The following PRICKLE2 variants were observed in gnomAD, a reference collection of about 807,000 sequenced individuals.
PRICKLE2 encodes prickle-like protein 2.
A neutral mutation model predicts 81.4 loss-of-function variants in PRICKLE2; 21 were observed. The ratio of observed to expected loss-of-function variants is 0.26; its 90% CI spans 0.18 to 0.37. The LOEUF (loss-of-function observed/expected upper bound fraction) is 0.37. Ranked by LOEUF, PRICKLE2 falls within the 10% of genes least tolerant of loss-of-function variation. The probability of loss-of-function intolerance (pLI) is 1.00; values close to 1 mark genes in which losing one functional copy is unlikely to be tolerated. For missense variants in PRICKLE2, 940 were observed against 1,109.0 expected (o/e 0.85, Z 2.16); for synonymous variants, 456 against 421.5 (o/e 1.08, Z -1.00).
chr3:64,152,394 G>A (rs1575595102), intron 6 of PRICKLE2, among the ~76,000 whole-genome samples: 1 of 152,196 alleles, frequency 6.6e-6, no homozygotes, highest in African/African-American at 2.4e-5. Context: ...CCACAATGCA[G>A]TATGATCTGG....
At chr3:64,170,721 A>T (rs796880849) in intron 2 of PRICKLE2, among the ~76,000 whole-genome samples, 2 of 151,312 alleles carry the variant, frequency 1.3e-5, no homozygotes, top group Non-Finnish European at 2.9e-5. Flanking sequence ...AAAAAAAAAA[A>T]AAAACAGCCT....
chr3:64,185,563 C>T (rs1399909499), intron 2 of PRICKLE2, among the ~76,000 whole-genome samples: 2 of 152,152 alleles, frequency 1.3e-5, no homozygotes, highest in Non-Finnish European at 2.9e-5. Context: ...TTTCTTGTGC[C>T]ATCCATCTGG....
intron 2 of PRICKLE2, among the ~76,000 whole-genome samples, chr3:64,236,175 T>G (rs569581344): frequency 6.6e-6 from 1 of 152,328 alleles, no homozygotes; most frequent in East Asian, 1.9e-4. Context: ...ACTGCCATAC[T>G]GGAAGTTGAT....
chr3:64,258,014 C>G (rs904924837), intron 2 of PRICKLE2, among the ~76,000 whole-genome samples: 1 of 152,126 alleles, frequency 6.6e-6, no homozygotes, highest in South Asian at 2.1e-4. Flanking sequence ...CATCAAACAC[C>G]GAACCTGCAG....
chr3:64,236,154 A>G (rs563956402), intron 2 of PRICKLE2, among the ~76,000 whole-genome samples: 90 of 152,288 alleles, frequency 5.9e-4, no homozygotes, highest in African/African-American at 2.1e-3. Context: ...AGAGTCTACC[A>G]TGCTCCTCAC....
intron 3 of PRICKLE2, among the ~76,000 whole-genome samples, chr3:64,160,776 G>C (rs2077719874): frequency 6.6e-6 from 1 of 152,158 alleles, no homozygotes; most frequent in Admixed American, 6.5e-5. Flanking sequence ...AAGATAATTT[G>C]AATCCAGTAT....
rs1202491879 is a variant in PRICKLE2, at chr3:64,239,309, G to A, written c.129-40342C>T. Among the ~76,000 whole-genome samples, 3 of 152,168 alleles carry A rather than the reference G, an allele frequency of 2.0e-5. No individual in the cohort carries two copies. In the South Asian group the frequency reaches 6.2e-4, roughly 32 times the overall value. ...CAGCTGGGGCAGCTGTGGAAGGAAGGGCTGTTAGGAGCGTGGCCAAAACAG... is the reference window on the plus strand; with the variant it reads ...CAGCTGGGGCAGCTGTGGAAGGAAGAGCTGTTAGGAGCGTGGCCAAAACAG... On this transcript the variant is annotated intron_variant, in intron 2 of 8. Coordinates refer to the PRICKLE2 transcript ENST00000295902.
At chr3:64,158,127 A>T (rs2077668549) in intron 4 of PRICKLE2, among the ~76,000 whole-genome samples, 1 of 152,248 alleles carries the variant, frequency 6.6e-6, no homozygotes, top group Non-Finnish European at 1.5e-5. Flanking sequence ...TAAAATGTGG[A>T]AAGTAGGTCT....
In PRICKLE2 at chr3:64,099,501, G is replaced by A. The variant is rs1174848549; in HGVS notation, c.2085C>T (p.Ser695=). ...HRSRRSRRSR[S]DNALHLASER... is the part of the protein sequence containing the mutation. ...CGCTGGCCAGGTGGAGGGCGTTGTCGGAGCGAGAGCGTCGGGAACGCCTGG... is the reference window on the plus strand; with the variant it reads ...CGCTGGCCAGGTGGAGGGCGTTGTCAGAGCGAGAGCGTCGGGAACGCCTGG... The change falls in exon 8 of 8, where the codon TCC becomes TCT. Residue 695 remains serine, a synonymous_variant. Transcript: ENST00000638394. This position sits in a 1 kb window ranked among gnomAD's most constrained non-coding sequence, Gnocchi z 4.3. 3.1e-6 allele frequency: 5 copies of A among 1,595,960 alleles called. No individual in the cohort carries two copies. The highest frequency in any genetic ancestry group is 2.2e-5 in the South Asian group (2 of 89,902).
chr3:64,222,371 T>C (rs1003937699), intron 1 of PRICKLE2, among the ~76,000 whole-genome samples: 2 of 152,238 alleles, frequency 1.3e-5, no homozygotes, highest in African/African-American at 4.8e-5. Flanking sequence ...AAGAATTTTA[T>C]GGCAGACTCC....
At chr3:64,192,615 A>T (rs1332559880) in intron 2 of PRICKLE2, among the ~76,000 whole-genome samples, 1 of 152,200 alleles carries the variant, frequency 6.6e-6, no homozygotes, top group Non-Finnish European at 1.5e-5. Flanking sequence ...ACAAGGCTCA[A>T]ATCCAACTAA....
At chr3:64,127,523 T>A (rs2077127514) in intron 7 of PRICKLE2, among the ~76,000 whole-genome samples, 1 of 152,104 alleles carries the variant, frequency 6.6e-6, no homozygotes, top group South Asian at 2.1e-4. Context: ...ATCATTCTCA[T>A]TTTTTCAAAA....
chr3:64,165,122 CAG>C (rs2077807927), intron 2 of PRICKLE2, among the ~76,000 whole-genome samples: 2 of 152,172 alleles, frequency 1.3e-5, no homozygotes, highest in East Asian at 3.9e-4. Context: ...CTTGAAAATG[CAG>C]AGTCTAGTTG....
chr3:64,187,630 G>A (rs1286083283), intron 2 of PRICKLE2: 2 of 152,158 alleles, frequency 1.3e-5, no homozygotes, highest in Admixed American at 6.5e-5. Context: ...GGTTTTTATG[G>A]GGGTTTTAGA....
intron 2 of PRICKLE2, among the ~76,000 whole-genome samples, chr3:64,243,700 G>C (rs1327339236): frequency 1.3e-5 from 2 of 152,284 alleles, no homozygotes; most frequent in Non-Finnish European, 2.9e-5. Context: ...CTGACACATA[G>C]TAATAGTGCT....
At chr3:64,210,884 C>G (rs935788183) in intron 1 of PRICKLE2, among the ~76,000 whole-genome samples, 3 of 152,098 alleles carry the variant, frequency 2.0e-5, no homozygotes, top group African/African-American at 7.2e-5. Context: ...TGGAAGGTAT[C>G]TGAATCTTGT....
intron 7 of PRICKLE2, among the ~76,000 whole-genome samples, chr3:64,124,805 G>A (rs1315072016): frequency 6.6e-6 from 1 of 152,230 alleles, no homozygotes; most frequent in African/African-American, 2.4e-5. Flanking sequence ...GGTCACCCAA[G>A]AGGTATGACG....
intron 2 of PRICKLE2, among the ~76,000 whole-genome samples, chr3:64,193,282 G>C (rs1419817766): frequency 6.6e-6 from 1 of 152,102 alleles, no homozygotes; most frequent in Admixed American, 6.5e-5. Context: ...ATTCTCCTTT[G>C]CACAGGATCA....
chr3:64,149,123 A>T (rs562413341), intron 6 of PRICKLE2, among the ~76,000 whole-genome samples: 12 of 152,288 alleles, frequency 7.9e-5, no homozygotes, highest in South Asian at 6.2e-4. Context: ...GCCTGGCCAC[A>T]CTGCGTACTA....
Sources: gnomAD v4.1 joint callset for allele counts (sites outside exome capture counted in the v4.1 genomes callset) on GRCh38, gnomAD v4.1.1 for gene constraint, Gnocchi (gnomAD v3.1) non-coding constraint, MANE v1.5 for transcripts, NCBI Gene and HGNC (gene_info 2026-07-23, HGNC 2026-07-21) for gene names.